Variants in NFKB2 observed in about 807,000 individuals in gnomAD.
The protein encoded by NFKB2 is nuclear factor NF-kappa-B p100 subunit.
A neutral mutation model predicts 109.3 loss-of-function variants in NFKB2; 21 were observed. The ratio of observed to expected loss-of-function variants is 0.19; its 90% CI spans 0.14 to 0.28. NFKB2 has a LOEUF of 0.28. NFKB2 is among the 10% of genes least tolerant of loss of function. The pLI is 1.00. For missense variants in NFKB2, 806 were observed against 1,185.3 expected, an observed-to-expected ratio of 0.68 and a Z score of 4.70; for synonymous variants, 478 against 489.9, an observed-to-expected ratio of 0.98 and a Z score of 0.32.
rs1175689975 is a variant in NFKB2, at chr10:102,400,289, C to T, written c.1596C>T (p.His532=). 4 of 1,613,990 alleles carry T rather than the reference C, an allele frequency of 2.5e-6. No individual in the cohort carries two copies. Among genetic ancestry groups the T allele is most frequent in the African/African-American group, 2.7e-5 (2 of 74,944 alleles). Residue 532 remains histidine (H), a synonymous_variant, in exon 16 of 23, where the codon CAC becomes CAT. Coordinates refer to ENST00000661543, the MANE Select transcript of NFKB2 (RefSeq NM_001322934.2). This position sits in a 1 kb window ranked among gnomAD's most constrained non-coding sequence, Gnocchi z 6.3. ...GCTTTCATCCCCAGACGCCCCTGCA[C>T]CTGGCGGTGATCACGGGGCAGACGA... The part of the protein sequence containing the change: ...LTNHLHQTPL[H]LAVITGQTSV...
At chr10:102,395,594 G>C (rs1057077925), upstream of NFKB2, 17 of 424,762 alleles carry the variant, frequency 4.0e-5, no homozygotes, top group African/African-American at 2.8e-4. Flanking sequence ...AGACTGTCGA[G>C]GGCCTCCCGC....
rs758374952 is a variant in NFKB2 at position 102,400,199 on chromosome 10, G to T, written c.1584+5G>T. On this transcript the variant is annotated splice_donor_5th_base_variant and intron_variant, in intron 15 of 22. Transcript: ENST00000661543. This position sits in a 1 kb window ranked among gnomAD's most constrained non-coding sequence, Gnocchi z 6.3. ...CTCACCAACCACCTGCACCAGGTGC[G>T]GGGGCGCCTACTGGGGAGGTGGGAG... 1 of 1,613,808 alleles carries T rather than the reference G, an allele frequency of 6.2e-7. No individual in the cohort carries two copies. Among genetic ancestry groups the T allele is most frequent in the Non-Finnish European group, 8.5e-7 (1 of 1,179,830 alleles).
chr10:102,397,732 G>A lies in NFKB2; in HGVS notation c.661+47G>A. 1 of 1,581,778 alleles carries A rather than the reference G, an allele frequency of 6.3e-7. No individual in the cohort carries two copies. Among genetic ancestry groups the A allele is most frequent in the Non-Finnish European group, 8.6e-7 (1 of 1,158,376 alleles). ...GGTGCCAGGCCTGGTGGCAGAGGTG[G>A]CATGAGGGGTGACCTCAAGCTGTGC... On this transcript the variant is annotated intron_variant, in intron 8 of 22. Transcript: ENST00000661543. This position sits in a 1 kb window ranked among gnomAD's most constrained non-coding sequence, Gnocchi z 4.7.
intron 12 of NFKB2, 67 bp from the exon 13 acceptor site, chr10:102,399,215 CAAAAAA>C: frequency 4.9e-6 from 6 of 1,224,572 alleles, no homozygotes; most frequent in East Asian, 5.4e-5. Flanking sequence ...AACTCCGTCT[CAAAAAA>C]AAAAAAAAAA....
intron 12 of NFKB2, 113 bp from the exon 13 acceptor site, chr10:102,399,175 A>T: frequency 9.5e-7 from 1 of 1,052,294 alleles, no homozygotes; most frequent in Middle Eastern, 2.8e-4. Context: ...AGATCACACC[A>T]CTGCACTCCA....
In NFKB2 at chr10:102,401,505, G is replaced by A. The variant is rs965567661; in HGVS notation, c.2280G>A (p.Pro760=). ...ACACCATGGAGCCACCCCTGACCCC[G>A]CCCAGCCCAGCAGGTGAGAAGCATC... ...AQNTMEPPLT[P]PSPAGPGLSL... is the part of the protein sequence containing the mutation. The change falls in exon 20 of 23, where the codon CCG becomes CCA. Residue 760 remains proline, a synonymous_variant. Coordinates refer to ENST00000661543, the MANE Select transcript of NFKB2 (RefSeq NM_001322934.2). The surrounding 1 kb of genome is among the most constrained non-coding windows in gnomAD (Gnocchi z 4.2). 9.3e-6 allele frequency: 15 copies of A among 1,612,600 alleles called. No homozygotes were observed. Among genetic ancestry groups the A allele is most frequent in the African/African-American group, 5.3e-5 (4 of 74,792 alleles).
rs1309682474 is a variant in NFKB2, at chr10:102,400,782, A to G, written c.1926A>G (p.Thr642=). ...GACGAACAGCCTTGCATCTAGCCACAGAGATGGAGGAGCTGGGGTTGGTCA... is the reference window on the plus strand; with the variant it reads ...GACGAACAGCCTTGCATCTAGCCACGGAGATGGAGGAGCTGGGGTTGGTCA... ...QGGRTALHLA[T]EMEELGLVTH... is the part of the protein sequence containing the mutation. The change falls in exon 17 of 23, where the codon ACA becomes ACG. Residue 642 remains threonine, a synonymous_variant. Transcript: ENST00000661543. The surrounding 1 kb of genome is among the most constrained non-coding windows in gnomAD (Gnocchi z 6.3). 1.2e-6 allele frequency: 2 copies of G among 1,607,650 alleles called. No homozygotes were observed. Among genetic ancestry groups the G allele is most frequent in the South Asian group, 1.1e-5 (1 of 90,228 alleles).
In NFKB2 at chr10:102,400,924, A is replaced by T. The variant is rs2061227015; in HGVS notation, c.1969-23A>T. On this transcript the variant is annotated intron_variant, in intron 17 of 22. Transcript: ENST00000661543. The surrounding 1 kb of genome is among the most constrained non-coding windows in gnomAD (Gnocchi z 6.3). ...CCAAGGGGACCATGCTGTGGTGTCA[A>T]CTCTCGCTGCTCGCACCCCCAGCTC... 2 of 1,603,708 alleles carry T rather than the reference A, an allele frequency of 1.2e-6. No homozygotes were observed. The highest frequency in any genetic ancestry group is 1.1e-5 in the South Asian group (1 of 89,696).
In NFKB2 at chr10:102,397,845, G is replaced by A; in HGVS notation, c.662-136G>A. ...AAGTCATTTCCCCCCCGAAGCTTCT[G>A]TCTTTAGTAAATGTGTATATTGGGT... On this transcript the variant is annotated intron_variant, in intron 8 of 22. Coordinates refer to ENST00000661543, the MANE Select transcript of NFKB2 (RefSeq NM_001322934.2). This position sits in a 1 kb window ranked among gnomAD's most constrained non-coding sequence, Gnocchi z 4.7. 2 of 1,259,558 alleles carry A rather than the reference G, an allele frequency of 1.6e-6. No homozygotes were observed. Among genetic ancestry groups the A allele is most frequent in the South Asian group, 1.4e-5 (1 of 73,906 alleles). The allele number at this position is 1,259,558 out of a possible 1,614,324, so 78.0% of individuals were successfully genotyped here. A position where few individuals can be genotyped will look rare whatever the true frequency, so the allele number is the denominator to read the frequency against.
In NFKB2 at chr10:102,401,937, G is replaced by A; in HGVS notation, c.2466+20G>A. 6.2e-7 allele frequency: 1 copy of A among 1,603,432 alleles called. No homozygotes were observed. The highest frequency in any genetic ancestry group is 2.2e-5 in the East Asian group (1 of 44,680). ...TACGAGGTGGGTTGGCCTGTGCCCT[G>A]CCCCCTCCCCAGCCTCCTTTCCCGA... On this transcript the variant is annotated intron_variant, in intron 21 of 22. Coordinates refer to ENST00000661543, the MANE Select transcript of NFKB2 (RefSeq NM_001322934.2). The surrounding 1 kb of genome is among the most constrained non-coding windows in gnomAD (Gnocchi z 4.2).
chr10:102,401,354 A>T lies in NFKB2; in HGVS notation c.2223+23A>T. On this transcript the variant is annotated intron_variant, in intron 19 of 22. Transcript: ENST00000661543. The surrounding 1 kb of genome is among the most constrained non-coding windows in gnomAD (Gnocchi z 4.2). The stretch of plus-strand genomic sequence containing the variant: ...AAGGTGAGGCCAGCCCGGGACTAGA[A>T]GTGCTCTGAGTGACGGGGTCCAGAG... The T allele has an allele frequency of 1.2e-6, 2 of 1,608,898 alleles. No individual in the cohort carries two copies. The highest frequency in any genetic ancestry group is 1.7e-6 in the Non-Finnish European group (2 of 1,176,756).
In NFKB2 at chr10:102,400,176, C is replaced by T; in HGVS notation, c.1566C>T (p.Leu522=). The change falls in exon 15 of 23, where the codon CTC becomes CTT. Residue 522 remains leucine (L), a synonymous_variant. Coordinates refer to ENST00000661543, the MANE Select transcript of NFKB2 (RefSeq NM_001322934.2). This position sits in a 1 kb window ranked among gnomAD's most constrained non-coding sequence, Gnocchi z 6.3. Reference sequence around the variant, plus strand: ...CCCAGGACCTCGGCGTTGTCAACCTCACCAACCACCTGCACCAGGTGCGGG... The same window carrying T: ...CCCAGGACCTCGGCGTTGTCAACCTTACCAACCACCTGCACCAGGTGCGGG... The part of the protein sequence containing the change: ...HHAQDLGVVN[L]TNHLHQTPLH... 1.2e-6 allele frequency: 2 copies of T among 1,614,208 alleles called. No homozygotes were observed. Among genetic ancestry groups the T allele is most frequent in the South Asian group, 1.1e-5 (1 of 91,086 alleles).
chr10:102,401,539 C>G lies in NFKB2; in HGVS notation c.2293+21C>G, dbSNP rs758174876. The G allele has an allele frequency of 5.0e-6, 8 of 1,610,776 alleles. No individual in the cohort carries two copies. The African/African-American group carries it at 5.3e-5, about 11-fold the overall frequency. ...AGCAGGTGAGAAGCATCAGGCATCC[C>G]CAGCCCGACTCCTCTGACTCCTCAC... On this transcript the variant is annotated intron_variant, in intron 20 of 22. Coordinates refer to ENST00000661543, the MANE Select transcript of NFKB2 (RefSeq NM_001322934.2). This position sits in a 1 kb window ranked among gnomAD's most constrained non-coding sequence, Gnocchi z 4.2.
chr10:102,399,406 C>A lies in NFKB2; in HGVS notation c.1236C>A (p.Pro412=). 6.5e-7 allele frequency: 1 copy of A among 1,538,082 alleles called. No homozygotes were observed. The highest frequency in any genetic ancestry group is 8.8e-7 in the Non-Finnish European group (1 of 1,141,082). The part of the protein sequence containing the change: ...GGGAQMAATV[P]SRDSGEEAAE... Reference sequence around the variant, plus strand: ...GGGCGCAGATGGCCGCCACGGTGCCCAGCAGGGACTCCGGGGAGGAAGCCG... The same window carrying A: ...GGGCGCAGATGGCCGCCACGGTGCCAAGCAGGGACTCCGGGGAGGAAGCCG... The change falls in exon 13 of 23, where the codon CCC becomes CCA. Residue 412 remains proline, a synonymous_variant. Coordinates refer to ENST00000661543, the MANE Select transcript of NFKB2 (RefSeq NM_001322934.2).
At position 102,400,510 on chromosome 10, in the gene NFKB2, C is replaced by T; in HGVS notation, c.1798+19C>T. 6.3e-7 allele frequency: 1 copy of T among 1,594,134 alleles called. No homozygotes were observed. Among genetic ancestry groups the T allele is most frequent in the Non-Finnish European group, 8.5e-7 (1 of 1,170,848 alleles). ...TTTGAGGGTGAGCTCCCCATCTCACCTGACTAAGGGGGCAGGCGGGGACCA... is the reference window on the plus strand; with the variant it reads ...TTTGAGGGTGAGCTCCCCATCTCACTTGACTAAGGGGGCAGGCGGGGACCA... On this transcript the variant is annotated intron_variant, in intron 16 of 22. Transcript: ENST00000661543. This position sits in a 1 kb window ranked among gnomAD's most constrained non-coding sequence, Gnocchi z 6.3.
In NFKB2 at chr10:102,396,208, G is replaced by A; in HGVS notation, c.22-45G>A. ...TGGAGATGGGAGGTGGGGCTGTGGG[G>A]GGTGCTGAGAGTCGGATGCCACCCC... On this transcript the variant is annotated intron_variant, in intron 2 of 22. Transcript: ENST00000661543. This position sits in a 1 kb window ranked among gnomAD's most constrained non-coding sequence, Gnocchi z 5.9. 1 of 1,576,236 alleles carries A rather than the reference G, an allele frequency of 6.3e-7. No homozygotes were observed. The highest frequency in any genetic ancestry group is 8.7e-7 in the Non-Finnish European group (1 of 1,150,852).
intron 14 of NFKB2, 61 bp downstream of exon 14, chr10:102,399,779 G>A: frequency 7.0e-7 from 1 of 1,436,760 alleles, no homozygotes; most frequent in Non-Finnish European, 9.1e-7. Flanking sequence ...GGACCGGCAC[G>A]GAGGCGGGCT....
In NFKB2 at chr10:102,398,301, C is replaced by T; in HGVS notation, c.852+4C>T. The T allele has an allele frequency of 6.2e-7, 1 of 1,614,058 alleles. No homozygotes were observed. The highest frequency in any genetic ancestry group is 8.5e-7 in the Non-Finnish European group (1 of 1,180,004). The stretch of plus-strand genomic sequence containing the variant: ...TCCCACAGATGTGCATAAACAGGTA[C>T]CCAGGGCTAGGGCCCGGGCCCGGGC... On this transcript the variant is annotated splice_donor_region_variant and intron_variant, in intron 10 of 22. Transcript: ENST00000661543. The surrounding 1 kb of genome is among the most constrained non-coding windows in gnomAD (Gnocchi z 6.6).
chr10:102,399,778 C>T (rs562258567), intron 14 of NFKB2, 60 bp downstream of exon 14: 2 of 1,435,524 alleles, frequency 1.4e-6, no homozygotes, highest in Non-Finnish European at 1.8e-6. Context: ...GGGACCGGCA[C>T]GGAGGCGGGC....
Sources: allele counts gnomAD v4.1 joint callset, GRCh38; gene constraint gnomAD v4.1.1; non-coding constraint Gnocchi (gnomAD v3.1); transcripts MANE v1.5; gene names NCBI Gene and HGNC (gene_info 2026-07-23, HGNC 2026-07-21).